SPTSSB: variants seen among roughly 807,000 people sequenced by gnomAD.
SPTSSB encodes the protein androgen down regulated in mouse prostate.
SPTSSB carries 6 observed loss-of-function variants against 7.7 expected under a neutral mutation model. The observed-to-expected ratio is 0.78, with a 90% CI of 0.43 to 1.54. The LOEUF (loss-of-function observed/expected upper bound fraction) is 1.54. Ranked by LOEUF, SPTSSB falls within the 40% of genes most tolerant of loss-of-function variation. SPTSSB has a pLI of 0.01. For synonymous variants in SPTSSB, 28 were observed against 29.7 expected (o/e 0.94, Z 0.19); for missense variants, 91 against 93.0 (o/e 0.98, Z 0.09).
chr3:161,367,894 T>A (rs73878310), intron 1 of SPTSSB, among the ~76,000 whole-genome samples: 1 of 152,168 alleles, frequency 6.6e-6, no homozygotes. Context: ...GAATCACTGA[T>A]AAAGGACTAG....
intron 1 of SPTSSB, among the ~76,000 whole-genome samples, chr3:161,362,333 C>G (rs1311746991): frequency 6.6e-6 from 1 of 152,112 alleles, no homozygotes. Context: ...AAGTAAGAAT[C>G]TTCCACTTCA....
At position 161,345,887 on chromosome 3, in the gene SPTSSB, C is replaced by T. The variant is rs369210341; in HGVS notation, c.*206G>A. On this transcript the variant is annotated 3_prime_UTR_variant, in exon 3 of 3. Coordinates refer to ENST00000620149, the MANE Select transcript of SPTSSB (RefSeq NM_001040100.2). ...TGAGGTAAAGTCACTGTATTATCTC[C>T]GGTCTAAAGCACAATGTAGCATGTG... 28 of 439,392 alleles carry T rather than the reference C, an allele frequency of 6.4e-5. No individual in the cohort carries two copies. The highest frequency in any genetic ancestry group is 2.7e-4 in the South Asian group (9 of 32,780). The allele number at this position is 439,392 out of a possible 1,614,324, so 27.2% of individuals were successfully genotyped here. A position where few individuals can be genotyped will look rare whatever the true frequency, so the allele number is the denominator to read the frequency against.
At chr3:161,365,704 A>G (rs976413418) in intron 1 of SPTSSB, among the ~76,000 whole-genome samples, 14 of 152,294 alleles carry the variant, frequency 9.2e-5, no homozygotes, top group Admixed American at 9.2e-4. Context: ...TTCTAACTTT[A>G]TCTTTATTCT....
intron 2 of SPTSSB, among the ~76,000 whole-genome samples, chr3:161,357,011 G>T (rs981695917): frequency 6.6e-6 from 1 of 152,034 alleles, no homozygotes; most frequent in African/African-American, 2.4e-5. Flanking sequence ...AATAAAAAAG[G>T]AAAAGAAAAG....
chr3:161,366,193 C>A (rs1260685154), intron 1 of SPTSSB, among the ~76,000 whole-genome samples: 1 of 152,170 alleles, frequency 6.6e-6, no homozygotes, highest in Admixed American at 6.5e-5. Flanking sequence ...CAAACTAATT[C>A]TCTGGAAGAC....
intron 2 of SPTSSB, chr3:161,359,574 T>C: frequency 5.4e-6 from 2 of 370,024 alleles, no homozygotes; most frequent in Non-Finnish European, 7.5e-6. Flanking sequence ...TCTGCACACG[T>C]TTCAAAGGAA....
At chr3:161,359,765 A>G in intron 2 of SPTSSB, 37 bp downstream of exon 2, 1 of 985,430 alleles carries the variant, frequency 1.0e-6, no homozygotes, top group Non-Finnish European at 1.2e-6. Flanking sequence ...CAGATTTCTC[A>G]AAGCAAGTCT....
At chr3:161,349,901 T>A (rs1286062217) in intron 2 of SPTSSB, among the ~76,000 whole-genome samples, 1 of 152,184 alleles carries the variant, frequency 6.6e-6, no homozygotes, top group African/African-American at 2.4e-5. Flanking sequence ...TTCCCTCTCA[T>A]TAGATTTGTG....
chr3:161,369,013 G>A (rs1715340439), intron 1 of SPTSSB, among the ~76,000 whole-genome samples: 1 of 152,100 alleles, frequency 6.6e-6, no homozygotes, highest in Admixed American at 6.5e-5. Context: ...TATGAGTAAT[G>A]CCACTATGAA....
At chr3:161,365,278 G>C (rs574736993) in intron 1 of SPTSSB, among the ~76,000 whole-genome samples, 5 of 152,346 alleles carry the variant, frequency 3.3e-5, no homozygotes, top group African/African-American at 4.8e-5. Flanking sequence ...ATTTAGCAAG[G>C]ATGTAGGAGG....
At chr3:161,366,737 G>T (rs60625846) in intron 1 of SPTSSB, among the ~76,000 whole-genome samples, 64,235 of 152,008 alleles carry the variant, frequency 0.42, 14,206 homozygotes, top group East Asian at 0.64. Flanking sequence ...CCAGGGCCTA[G>T]AAGTGACCTG....
chr3:161,346,922 G>A (rs1408886544), intron 2 of SPTSSB, among the ~76,000 whole-genome samples: 2 of 152,204 alleles, frequency 1.3e-5, no homozygotes, highest in East Asian at 1.9e-4. Context: ...AGGTGGGAAT[G>A]GCCACAGTGA....
chr3:161,369,922 G>A (rs460165), intron 1 of SPTSSB, among the ~76,000 whole-genome samples: 92,550 of 151,962 alleles, frequency 0.61, 29,680 homozygotes, highest in East Asian at 0.96. Context: ...TATTTTCTTC[G>A]TGCTGTATGT....
chr3:161,349,156 A>G (rs761554384), intron 2 of SPTSSB, among the ~76,000 whole-genome samples: 59 of 152,198 alleles, frequency 3.9e-4, no homozygotes, highest in Non-Finnish European at 1.2e-4. Flanking sequence ...GAAAGACTTT[A>G]TTCTCAAAGG....
intron 1 of SPTSSB, among the ~76,000 whole-genome samples, chr3:161,364,957 A>G (rs1715158565): frequency 6.6e-6 from 1 of 151,924 alleles, no homozygotes; most frequent in Non-Finnish European, 1.5e-5. Context: ...TCTTTTTAAT[A>G]TTTTTATAGA....
At chr3:161,357,820 T>G (rs1469421369) in intron 2 of SPTSSB, among the ~76,000 whole-genome samples, 4 of 151,270 alleles carry the variant, frequency 2.6e-5, no homozygotes, top group African/African-American at 2.4e-5. Context: ...CTGGAAGAGG[T>G]GAGGAAGAAT....
chr3:161,369,480 C>A (rs745913183), intron 1 of SPTSSB, among the ~76,000 whole-genome samples: 1 of 143,164 alleles, frequency 7.0e-6, no homozygotes, highest in Non-Finnish European at 1.5e-5. Flanking sequence ...ATTTCCCCAA[C>A]CACTAATGGC....
chr3:161,357,041 C>T (rs905353573), intron 2 of SPTSSB, among the ~76,000 whole-genome samples: 2 of 152,048 alleles, frequency 1.3e-5, no homozygotes, highest in African/African-American at 4.8e-5. Context: ...CTAGGCGGAT[C>T]AGGCCATAGA....
At chr3:161,364,138 A>C (rs992355353) in intron 1 of SPTSSB, among the ~76,000 whole-genome samples, 1 of 152,022 alleles carries the variant, frequency 6.6e-6, no homozygotes, top group Non-Finnish European at 1.5e-5. Context: ...TTTTTTTTAA[A>C]ATTTCTCTAT....
Sources: allele counts gnomAD v4.1 joint callset (sites outside exome capture counted in the v4.1 genomes callset), GRCh38; gene constraint gnomAD v4.1.1; transcripts MANE v1.5; gene names NCBI Gene and HGNC (gene_info 2026-07-23, HGNC 2026-07-21).